EML6: variants seen among roughly 807,000 people sequenced by gnomAD.
EML6 encodes echinoderm microtubule-associated protein-like 6.
EML6 carries 154 observed loss-of-function variants against 240.1 expected under a neutral mutation model. The ratio of observed to expected loss-of-function variants is 0.64; its 90% confidence interval spans 0.56 to 0.73. EML6 has a LOEUF of 0.73. Among genes scored for constraint, EML6 ranks in the 30% least tolerant of loss-of-function variants. The pLI is 0.00. For synonymous variants in EML6, 1,148 were observed against 899.0 expected (o/e 1.28, Z -4.95); for missense variants, 2,964 against 2,474.6 (o/e 1.20, Z -4.20).
chr2:54,885,272 A>G (rs536913563), intron 17 of EML6, among the ~76,000 whole-genome samples: 12 of 151,776 alleles, frequency 7.9e-5, no homozygotes, highest in Admixed American at 7.2e-4. Context: ...TGGTAAAACC[A>G]CCATCTCTAC....
chr2:54,963,069 G>A (rs1294870425), intron 36 of EML6, among the ~76,000 whole-genome samples: 1 of 135,010 alleles, frequency 7.4e-6, no homozygotes, highest in Non-Finnish European at 1.5e-5. Flanking sequence ...GCTTGGGAAG[G>A]CAATGTTAAA....
intron 28 of EML6, among the ~76,000 whole-genome samples, chr2:54,942,599 C>T (rs893122378): frequency 2.6e-5 from 4 of 152,072 alleles, no homozygotes; most frequent in South Asian, 2.1e-4. Context: ...GCTCTTTACC[C>T]GACTCCCTCT....
intron 2 of EML6, among the ~76,000 whole-genome samples, chr2:54,799,123 C>A (rs1035140793): frequency 4.6e-5 from 7 of 152,120 alleles, no homozygotes; most frequent in African/African-American, 1.7e-4. Context: ...TGCAGTGGCA[C>A]CATCTCGGTT....
intron 17 of EML6, among the ~76,000 whole-genome samples, chr2:54,886,373 G>T (rs1364637849): frequency 6.6e-6 from 1 of 151,868 alleles, no homozygotes; most frequent in Non-Finnish European, 1.5e-5. Context: ...CACAATGTTG[G>T]CCAGGCTGGT....
intron 2 of EML6, among the ~76,000 whole-genome samples, chr2:54,795,005 C>A (rs1669680423): frequency 6.6e-6 from 1 of 152,106 alleles, no homozygotes; most frequent in Admixed American, 6.5e-5. Flanking sequence ...ACTCCTTTAC[C>A]TCAGAATTTT....
chr2:54,970,090 C>G lies in EML6; in HGVS notation c.5872C>G (p.Leu1958Val), dbSNP rs1676924012. ...DDCSVFVWRC[L>V] ...TTTCAGTGTATTTGTGTGGCGATGT[C>G]TGTAAAATGCCAGAAGCCTCTTATG... Residue 1958 changes from leucine (L) to valine (V), a missense_variant, in exon 42 of 42, where the codon CTG (leucine) becomes GTG (valine). Physicochemically the swap from Leu to Val is conservative, Grantham distance 32 (BLOSUM62 1). Transcript: ENST00000356458. 6.4e-7 allele frequency: 1 copy of G among 1,551,662 alleles called. No homozygotes were observed. The highest frequency in any genetic ancestry group is 8.7e-7 in the Non-Finnish European group (1 of 1,146,956).
At position 54,968,177 on chromosome 2, in the gene EML6, G is replaced by C; in HGVS notation, c.5647G>C (p.Ala1883Pro). The C allele has an allele frequency of 6.4e-7, 1 of 1,551,674 alleles. No homozygotes were observed. The highest frequency in any genetic ancestry group is 8.7e-7 in the Non-Finnish European group (1 of 1,146,992). Residue 1883 changes from alanine (A) to proline (P), a missense_variant, in exon 40 of 42, where the codon GCT becomes CCT. By Grantham distance (27) the Ala-to-Pro change is conservative. Coordinates refer to ENST00000356458, the MANE Select transcript of EML6 (RefSeq NM_001039753.4). ...AATCTGGCCACGAAATGCAGACAAG[G>C]CTGATGTCAACTGCGCATGTGTGAC... ...IGIWPRNADK[A>P]DVNCACVTHA...
intron 7 of EML6, among the ~76,000 whole-genome samples, chr2:54,834,408 A>G (rs991549459): frequency 1.3e-5 from 2 of 152,236 alleles, no homozygotes; most frequent in South Asian, 2.1e-4. Context: ...TTCTAGGATA[A>G]TAAAACACTT....
intron 21 of EML6, among the ~76,000 whole-genome samples, 199 bp downstream of exon 21, chr2:54,895,599 G>A (rs944387417): frequency 3.3e-5 from 5 of 152,218 alleles, no homozygotes; most frequent in Non-Finnish European, 7.3e-5. Flanking sequence ...TTTTCTCACA[G>A]TGTCTGTGGA....
intron 2 of EML6, among the ~76,000 whole-genome samples, chr2:54,765,424 A>C (rs1668141793): frequency 1.3e-5 from 2 of 152,130 alleles, no homozygotes; most frequent in South Asian, 4.1e-4. Context: ...TTTTCCCTAC[A>C]AACTTAAGGG....
intron 24 of EML6, among the ~76,000 whole-genome samples, chr2:54,910,692 A>G (rs1004322957): frequency 5.3e-5 from 8 of 150,740 alleles, no homozygotes; most frequent in East Asian, 1.9e-4. Context: ...TCAATAAAAC[A>G]TATCAAGCTT....
At chr2:54,854,408 T>A (rs1415481625) in intron 11 of EML6, among the ~76,000 whole-genome samples, 2 of 152,232 alleles carry the variant, frequency 1.3e-5, no homozygotes, top group African/African-American at 4.8e-5. Context: ...TTTGTTTTGT[T>A]AAAATTGTTT....
At chr2:54,958,700 C>T (rs1014079958) in intron 33 of EML6, among the ~76,000 whole-genome samples, 2 of 152,160 alleles carry the variant, frequency 1.3e-5, no homozygotes, top group African/African-American at 4.8e-5. Flanking sequence ...ATGGGGTGCC[C>T]TCAGCCAATG....
At chr2:54,955,463 G>A (rs114867501) in intron 32 of EML6, among the ~76,000 whole-genome samples, 2,892 of 152,226 alleles carry the variant, frequency 0.019, 101 homozygotes, top group African/African-American at 0.064. Flanking sequence ...CAGCCCACAC[G>A]CTGTCAGAAA....
At chr2:54,794,512 C>A (rs529800304) in intron 2 of EML6, among the ~76,000 whole-genome samples, 69 of 152,256 alleles carry the variant, frequency 4.5e-4, no homozygotes, top group Middle Eastern at 3.4e-3. Flanking sequence ...CAACTCAGTT[C>A]CCTTAATTCA....
At chr2:54,737,043 G>A (rs1171096279) in intron 2 of EML6, among the ~76,000 whole-genome samples, 2 of 152,166 alleles carry the variant, frequency 1.3e-5, no homozygotes, top group African/African-American at 4.8e-5. Flanking sequence ...GTGGAGAGGG[G>A]TTGCTATATA....
At chr2:54,938,895 G>A (rs569748346) in intron 28 of EML6, among the ~76,000 whole-genome samples, 3 of 152,284 alleles carry the variant, frequency 2.0e-5, no homozygotes, top group East Asian at 3.9e-4. Context: ...TGGGAGACCT[G>A]GGAGTTGCCT....
Position 54,970,099 on chromosome 2 carries a change from G to C in EML6, c.*4G>C. 6.4e-7 allele frequency: 1 copy of C among 1,551,624 alleles called. No homozygotes were observed. The highest frequency in any genetic ancestry group is 1.2e-5 in the South Asian group (1 of 84,058). Reference sequence around the variant, plus strand: ...ATTTGTGTGGCGATGTCTGTAAAATGCCAGAAGCCTCTTATGTTATTGCTG... The same window carrying C: ...ATTTGTGTGGCGATGTCTGTAAAATCCCAGAAGCCTCTTATGTTATTGCTG... On this transcript the variant is annotated 3_prime_UTR_variant, in exon 42 of 42. Coordinates refer to ENST00000356458, the MANE Select transcript of EML6 (RefSeq NM_001039753.4).
chr2:54,882,853 G>T (rs1404361879), intron 17 of EML6: 1 of 884 alleles, frequency 1.1e-3, no homozygotes, highest in Admixed American at 0.033. Flanking sequence ...GCCAGACTCC[G>T]TCTCAAAAAA....
Sources: gnomAD v4.1 joint callset for allele counts (sites outside exome capture counted in the v4.1 genomes callset) on GRCh38, gnomAD v4.1.1 for gene constraint, MANE v1.5 for transcripts, NCBI Gene and HGNC (gene_info 2026-07-23, HGNC 2026-07-21) for gene names.